The following FRMD4B variants were observed in gnomAD, a reference collection of about 807,000 sequenced individuals.
FRMD4B encodes the protein FERM domain containing 4B, also known as FERM domain-containing protein 4B.
FRMD4B carries 74 observed loss-of-function variants against 141.5 expected under a neutral mutation model. That is an observed-to-expected ratio of 0.52 (90% confidence interval 0.43 to 0.63). The LOEUF (loss-of-function observed/expected upper bound fraction) is 0.63. Among genes scored for constraint, FRMD4B ranks in the 30% least tolerant of loss-of-function variants. The pLI is 0.00. For synonymous variants in FRMD4B, 506 were observed against 467.9 expected (o/e 1.08, Z -1.05); for missense variants, 1,366 against 1,253.4 (o/e 1.09, Z -1.36).
At chr3:69,265,263 AAAAAAAATATATATATAT>A (rs2093553767) in intron 5 of FRMD4B, among the ~76,000 whole-genome samples, 1 of 22,490 alleles carries the variant, frequency 4.4e-5, no homozygotes, top group Non-Finnish European at 9.4e-5. Flanking sequence ...TCAAAAAAAA[AAAAAAAATATATATATAT>A]ATATATATAT....
intron 1 of FRMD4B, among the ~76,000 whole-genome samples, chr3:69,528,230 TTCCCTCCCTCCCTGCC>T (rs1700957074): frequency 6.6e-6 from 1 of 152,040 alleles, no homozygotes. Context: ...ATGGGTTTCC[TTCCCTCCCTCCCTGCC>T]TCCCTCCCTC....
intron 2 of FRMD4B, among the ~76,000 whole-genome samples, chr3:69,392,984 A>G (rs894183927): frequency 6.6e-6 from 1 of 152,082 alleles, no homozygotes; most frequent in Non-Finnish European, 1.5e-5. Context: ...GGAAACACAT[A>G]GAGGTGGTGG....
At chr3:69,330,340 CTTTTTTTTTT>C (rs34238889) in intron 1 of FRMD4B, among the ~76,000 whole-genome samples, 9 of 42,928 alleles carry the variant, frequency 2.1e-4, no homozygotes, top group African/African-American at 1.1e-3. Flanking sequence ...ATTCTTTTGC[CTTTTTTTTTT>C]TTTTTTTTTT....
intron 1 of FRMD4B, among the ~76,000 whole-genome samples, chr3:69,340,791 C>T (rs1256043827): frequency 1.3e-5 from 2 of 152,146 alleles, no homozygotes; most frequent in African/African-American, 4.8e-5. Flanking sequence ...TTTGTTGCAT[C>T]ACTTTTCACT....
intron 21 of FRMD4B, among the ~76,000 whole-genome samples, chr3:69,177,278 G>T (rs146375463): frequency 6.6e-6 from 1 of 152,150 alleles, no homozygotes; most frequent in Non-Finnish European, 1.5e-5. Flanking sequence ...AGTTTAAGTT[G>T]CAGTGAACCA....
At chr3:69,385,795 T>G in intron 1 of FRMD4B, 33 bp downstream of exon 1, 2 of 1,504,046 alleles carry the variant, frequency 1.3e-6, no homozygotes, top group Non-Finnish European at 1.8e-6. Context: ...GGCATCCTGC[T>G]GGGGCCCTCG....
At chr3:69,220,339 A>G (rs946233832) in intron 9 of FRMD4B, among the ~76,000 whole-genome samples, 6 of 152,224 alleles carry the variant, frequency 3.9e-5, no homozygotes, top group Admixed American at 3.9e-4. Context: ...ACAATATGGC[A>G]TTATAATCCT....
At chr3:69,409,384 G>C (rs535919661) in intron 2 of FRMD4B, among the ~76,000 whole-genome samples, 1 of 152,254 alleles carries the variant, frequency 6.6e-6, no homozygotes, top group East Asian at 1.9e-4. Context: ...CCATTTCTCT[G>C]TGTGCACCAC....
chr3:69,186,190 T>A (rs2092764715), intron 19 of FRMD4B, among the ~76,000 whole-genome samples: 1 of 152,138 alleles, frequency 6.6e-6, no homozygotes, highest in Admixed American at 6.5e-5. Flanking sequence ...AAATGTCATT[T>A]CTTTCATGGA....
Position 69,332,453 on chromosome 3 carries a change from C to T in FRMD4B, c.163-18936G>A, listed in dbSNP as rs118112613. Among the ~76,000 whole-genome samples the T allele has an allele frequency of 1.4e-4, 22 of 152,298 alleles. No homozygotes were observed. In the East Asian group the frequency reaches 2.9e-3, roughly 20 times the overall value. On this transcript the variant is annotated intron_variant, in intron 1 of 22. Transcript: ENST00000398540. ...GGGCACATGCCTTGCCTGAAGTCAC[C>T]GGCCTCAGGTGAGGATGGCCAAGAT...
upstream of FRMD4B, among the ~76,000 whole-genome samples, chr3:69,388,106 A>G (rs2106712477): frequency 1.3e-5 from 2 of 152,180 alleles, no homozygotes; most frequent in Admixed American, 1.3e-4. Flanking sequence ...TAAACGATGC[A>G]GTTCGACTGT....
At chr3:69,324,496 G>A (rs56741529) in intron 1 of FRMD4B, among the ~76,000 whole-genome samples, 49,122 of 152,028 alleles carry the variant, frequency 0.32, 9,353 homozygotes, top group East Asian at 0.59. Flanking sequence ...TCATTATTGC[G>A]GAGCATAGTC....
At chr3:69,258,453 A>G (rs999472653) in intron 5 of FRMD4B, among the ~76,000 whole-genome samples, 3 of 152,236 alleles carry the variant, frequency 2.0e-5, no homozygotes, top group African/African-American at 7.2e-5. Context: ...TCTATAAACT[A>G]TATCAAATCA....
At chr3:69,308,742 G>T (rs1038107057) in intron 3 of FRMD4B, among the ~76,000 whole-genome samples, 5 of 151,670 alleles carry the variant, frequency 3.3e-5, no homozygotes, top group Non-Finnish European at 5.9e-5. Flanking sequence ...GCCCGGCCTT[G>T]TTTTTTTTCT....
At chr3:69,264,926 T>G (rs2093551004) in intron 5 of FRMD4B, among the ~76,000 whole-genome samples, 1 of 152,044 alleles carries the variant, frequency 6.6e-6, no homozygotes. Context: ...TTGTCATATG[T>G]GAATTAATGC....
intron 1 of FRMD4B, chr3:69,353,650 C>CGT (rs377358619): frequency 3.7e-5 from 36 of 982,464 alleles, no homozygotes; most frequent in Non-Finnish European, 4.1e-5. Context: ...TGTGCGCGCG[C>CGT]GTGTGTGTGC....
intron 3 of FRMD4B, among the ~76,000 whole-genome samples, chr3:69,309,110 G>A (rs1202971524): frequency 2.6e-5 from 4 of 151,982 alleles, no homozygotes; most frequent in Non-Finnish European, 5.9e-5. Flanking sequence ...CATTGAGTGG[G>A]CATTCAAAAA....
At chr3:69,226,407 T>C (rs2093254488) in intron 7 of FRMD4B, among the ~76,000 whole-genome samples, 1 of 143,660 alleles carries the variant, frequency 7.0e-6, no homozygotes, top group Admixed American at 7.5e-5. Flanking sequence ...TTATGTTCTG[T>C]CTGGCATACC....
At chr3:69,236,228 G>GTT (rs545415221) in intron 7 of FRMD4B, among the ~76,000 whole-genome samples, 28 of 139,698 alleles carry the variant, frequency 2.0e-4, no homozygotes, top group East Asian at 4.1e-4. Context: ...TATTGTTTTG[G>GTT]TTTTTTTTTT....
Sources: gnomAD v4.1 joint callset for allele counts (sites outside exome capture counted in the v4.1 genomes callset) on GRCh38, gnomAD v4.1.1 for gene constraint, MANE v1.5 for transcripts, NCBI Gene and HGNC (gene_info 2026-07-23, HGNC 2026-07-21) for gene names.